The following DHX36 variants were observed in gnomAD, a reference collection of about 807,000 sequenced individuals.
DHX36 encodes the protein ATP-dependent DNA/RNA helicase DHX36.
A neutral mutation model predicts 139.0 loss-of-function variants in DHX36; 50 were observed. The observed-to-expected ratio is 0.36, with a 90% CI of 0.29 to 0.46. DHX36 has a LOEUF of 0.46. Among genes scored for constraint, DHX36 ranks in the 20% least tolerant of loss-of-function variants. DHX36 has a pLI of 1.00. For missense variants in DHX36, 1,024 were observed against 1,211.3 expected (o/e 0.85, Z 2.29); for synonymous variants, 425 against 401.9 (o/e 1.06, Z -0.69).
chr3:154,285,827 CCT>C (rs1197842251), intron 17 of DHX36, among the ~76,000 whole-genome samples: 1 of 150,874 alleles, frequency 6.6e-6, no homozygotes, highest in Non-Finnish European at 1.5e-5. Context: ...TTTTAAAAGA[CCT>C]CTTTCAAATA....
At chr3:154,279,688 T>C (rs764873613) in intron 22 of DHX36, 9 of 152,222 alleles carry the variant, frequency 5.9e-5, no homozygotes, top group Non-Finnish European at 1.0e-4. Context: ...ATCATGCCAG[T>C]TGAGAACCAC....
chr3:154,310,724 A>G (rs1712699076), intron 4 of DHX36, among the ~76,000 whole-genome samples: 1 of 138,166 alleles, frequency 7.2e-6, no homozygotes, highest in Non-Finnish European at 1.5e-5. Context: ...GTTTGCAGTA[A>G]GCCGAGATTG....
chr3:154,306,395 A>G, intron 5 of DHX36, 100 bp from the exon 6 acceptor site: 1 of 960,350 alleles, frequency 1.0e-6, no homozygotes, highest in Non-Finnish European at 1.6e-6. Context: ...TGTTCTTCAG[A>G]TTTCTAAATG....
Position 154,291,162 on chromosome 3 carries a change from G to A in DHX36, c.1815-1336C>T, listed in dbSNP as rs77614828. Among the ~76,000 whole-genome samples, 283 of 63,708 alleles carry A rather than the reference G, an allele frequency of 4.4e-3. 1 individual carries two copies. The highest frequency in any genetic ancestry group is 9.7e-3 in the African/African-American group (179 of 18,460). The allele number at this position is 63,708 out of a possible 152,430, so 41.8% of individuals were successfully genotyped here. On this transcript the variant is annotated intron_variant, in intron 15 of 24. Coordinates refer to ENST00000496811, the MANE Select transcript of DHX36 (RefSeq NM_020865.3). ...AAAAAAAAAAAAAAAAAAAAAAAAA[G>A]AGTACCTCCATTGAAAGCCACATAC...
At position 154,280,745 on chromosome 3, in the gene DHX36, CTG is replaced by C; in HGVS notation, c.2476+16_2476+17del. Reference sequence around the variant, plus strand: ...AATAGACAAAAGATACTTATTTACACTGTGTTTCCTGCTGTACCTGAATTTAT... The same window carrying C: ...AATAGACAAAAGATACTTATTTACACTGTTTCCTGCTGTACCTGAATTTAT... On this transcript the variant is annotated intron_variant, in intron 21 of 24. Transcript: ENST00000496811. The C allele has an allele frequency of 1.2e-6, 2 of 1,608,994 alleles. No individual in the cohort carries two copies. Among genetic ancestry groups the C allele is most frequent in the Non-Finnish European group, 1.7e-6 (2 of 1,175,788 alleles).
chr3:154,321,675 T>G (rs755068642), intron 1 of DHX36, among the ~76,000 whole-genome samples: 1 of 152,228 alleles, frequency 6.6e-6, no homozygotes, highest in Non-Finnish European at 1.5e-5. Flanking sequence ...GCATTCATTT[T>G]CAGCCAGGCG....
chr3:154,292,223 A>G (rs1247487161), intron 15 of DHX36, among the ~76,000 whole-genome samples: 1 of 152,208 alleles, frequency 6.6e-6, no homozygotes, highest in East Asian at 1.9e-4. Context: ...TGTTCAGGAG[A>G]TGATCTGACA....
Position 154,280,678 on chromosome 3 carries a change from G to A in DHX36, c.2477-9C>T. On this transcript the variant is annotated splice_polypyrimidine_tract_variant and intron_variant, in intron 21 of 24. Coordinates refer to ENST00000496811, the MANE Select transcript of DHX36 (RefSeq NM_020865.3). ...AATTATCTTCTCATTATCTATGGGG[G>A]GTGAGAAGGTAGAGGGGAAAAGAAA... The A allele has an allele frequency of 6.2e-7, 1 of 1,608,794 alleles. No individual in the cohort carries two copies. The highest frequency in any genetic ancestry group is 8.5e-7 in the Non-Finnish European group (1 of 1,175,844).
intron 1 of DHX36, among the ~76,000 whole-genome samples, chr3:154,320,190 A>C (rs1713136145): frequency 6.6e-6 from 1 of 151,764 alleles, no homozygotes; most frequent in Admixed American, 6.6e-5. Context: ...AACAACACAC[A>C]CCTTATTTTT....
At chr3:154,297,005 G>C (rs1712070735) in intron 12 of DHX36, among the ~76,000 whole-genome samples, 2 of 152,194 alleles carry the variant, frequency 1.3e-5, no homozygotes, top group African/African-American at 4.8e-5. Flanking sequence ...AAAGGTAAGA[G>C]AGAATCAAAT....
chr3:154,305,259 C>G, intron 6 of DHX36, 91 bp from the exon 7 acceptor site: 1 of 1,123,874 alleles, frequency 8.9e-7, no homozygotes, highest in Non-Finnish European at 1.3e-6. Flanking sequence ...TTTAGAAATG[C>G]TTTCAGTTTT....
At chr3:154,316,937 T>C (rs1340638599) in intron 1 of DHX36, among the ~76,000 whole-genome samples, 1 of 152,010 alleles carries the variant, frequency 6.6e-6, no homozygotes, top group Admixed American at 6.6e-5. Context: ...CTAACGTGCA[T>C]ATAAATCCAC....
Position 154,275,044 on chromosome 3 carries a change from A to G in DHX36, c.*1127T>C, listed in dbSNP as rs948630295. On this transcript the variant is annotated 3_prime_UTR_variant, in exon 25 of 25. Coordinates refer to ENST00000496811, the MANE Select transcript of DHX36 (RefSeq NM_020865.3). ...ATAACAACTAAGATTCAGAGAGTAC[A>G]GGCACTAGCCTATGTGCTTTACATG... 19 of 152,224 alleles carry G rather than the reference A, an allele frequency of 1.2e-4. No homozygotes were observed. The highest frequency in any genetic ancestry group is 4.1e-4 in the African/African-American group (17 of 41,462). The allele number at this position is 152,224 out of a possible 1,614,324, so 9.4% of individuals were successfully genotyped here.
chr3:154,292,758 C>T (rs1711876592), intron 14 of DHX36, 64 bp from the exon 15 acceptor site: 1 of 1,253,682 alleles, frequency 8.0e-7, no homozygotes, highest in Non-Finnish European at 1.1e-6. Context: ...CACACACACA[C>T]ACATCGAAAG....
chr3:154,309,612 T>C, intron 5 of DHX36, 41 bp downstream of exon 5: 1 of 1,540,914 alleles, frequency 6.5e-7, no homozygotes, highest in Non-Finnish European at 8.7e-7. Flanking sequence ...GCAAGATTAC[T>C]TTTAAAAAGA....
chr3:154,280,245 G>A (rs1232614348), intron 22 of DHX36: 1 of 202,508 alleles, frequency 4.9e-6, no homozygotes. Flanking sequence ...AAGGCAAGAG[G>A]AAAAAAGTTT....
intron 1 of DHX36, among the ~76,000 whole-genome samples, chr3:154,316,954 A>G (rs1713009511): frequency 6.6e-6 from 1 of 152,086 alleles, no homozygotes; most frequent in Non-Finnish European, 1.5e-5. Flanking sequence ...CCACAGGCAA[A>G]AGGAAACACA....
chr3:154,315,225 T>C lies in DHX36; in HGVS notation c.424A>G (p.Ile142Val), dbSNP rs1284140683. 1 of 1,613,436 alleles carries C rather than the reference T, an allele frequency of 6.2e-7. No homozygotes were observed. The highest frequency in any genetic ancestry group is 1.7e-5 in the Admixed American group (1 of 59,978). ...NTPCSENKLD[I>V]QEKKLINQEK... Reference sequence around the variant, plus strand: ...TGATTTATCAACTTCTTTTCCTGGATGTCAAGTTTGTTCTCTGAGCATGGT... The same window carrying C: ...TGATTTATCAACTTCTTTTCCTGGACGTCAAGTTTGTTCTCTGAGCATGGT... Residue 142 changes from isoleucine (I) to valine (V), a missense_variant, in exon 3 of 25, where the codon ATC becomes GTC. Transcript: ENST00000496811.
intron 12 of DHX36, among the ~76,000 whole-genome samples, chr3:154,296,256 C>T (rs1712041396): frequency 6.6e-6 from 1 of 152,056 alleles, no homozygotes. Context: ...GGGCGGATCA[C>T]GAGGTCAGGA....
Sources: gnomAD v4.1 joint callset for allele counts (sites outside exome capture counted in the v4.1 genomes callset) on GRCh38, gnomAD v4.1.1 for gene constraint, MANE v1.5 for transcripts, NCBI Gene and HGNC (gene_info 2026-07-23, HGNC 2026-07-21) for gene names.